DPYD: variants seen among roughly 807,000 people sequenced by gnomAD.
The protein encoded by DPYD is dihydropyrimidine dehydrogenase.
In DPYD, 109 loss-of-function variants were observed where a neutral mutation model predicts 116.2. That is an observed-to-expected ratio of 0.94 (90% CI 0.80 to 1.10). The LOEUF (loss-of-function observed/expected upper bound fraction) is 1.10, where lower values mean the gene tolerates loss of function less well. Among genes scored for constraint, DPYD ranks in the 50% least tolerant of loss-of-function variants. The pLI is 0.00. For synonymous variants in DPYD, 440 were observed against 432.0 expected (o/e 1.02, Z -0.23); for missense variants, 1,302 against 1,254.5 (o/e 1.04, Z -0.57).
intron 22 of DPYD, among the ~76,000 whole-genome samples, chr1:97,081,305 G>T (rs1289865854): frequency 6.6e-6 from 1 of 151,798 alleles, no homozygotes; most frequent in Non-Finnish European, 1.5e-5. Flanking sequence ...TTCTTAAAAA[G>T]ATCTTTTTTT....
intron 3 of DPYD, among the ~76,000 whole-genome samples, chr1:97,785,271 A>ATGT (rs1666958329): frequency 6.6e-6 from 1 of 152,184 alleles, no homozygotes; most frequent in Non-Finnish European, 1.5e-5. Context: ...ATAACATATA[A>ATGT]AAGTACTTTA....
chr1:97,204,711 T>G (rs76934660), intron 19 of DPYD, among the ~76,000 whole-genome samples: 81 of 152,214 alleles, frequency 5.3e-4, no homozygotes, highest in African/African-American at 2.0e-3. Context: ...CATTCCTGTC[T>G]TTATATTGGA....
At chr1:97,506,962 T>C (rs1647382166) in intron 13 of DPYD, among the ~76,000 whole-genome samples, 1 of 152,012 alleles carries the variant, frequency 6.6e-6, no homozygotes, top group South Asian at 2.1e-4. Flanking sequence ...TTCATTAGAT[T>C]CTAACTTGCA....
chr1:97,821,565 C>T (rs1668939264), intron 3 of DPYD, among the ~76,000 whole-genome samples: 2 of 152,024 alleles, frequency 1.3e-5, no homozygotes, highest in Admixed American at 1.3e-4. Context: ...AGAGATTTGA[C>T]CTAGAGATGA....
intron 20 of DPYD, among the ~76,000 whole-genome samples, chr1:97,134,014 A>AAAAAAAAT (rs1653573714): frequency 5.3e-5 from 1 of 18,806 alleles, no homozygotes; most frequent in African/African-American, 2.0e-4. Context: ...AAAAAAAAAA[A>AAAAAAAAT]ATATATATAT....
At chr1:97,434,007 C>T (rs961132087) in intron 14 of DPYD, among the ~76,000 whole-genome samples, 3 of 151,938 alleles carry the variant, frequency 2.0e-5, no homozygotes, top group African/African-American at 7.3e-5. Context: ...CTTTGTAACC[C>T]AAGAGCCATA....
intron 3 of DPYD, among the ~76,000 whole-genome samples, chr1:97,773,956 T>A (rs942192781): frequency 6.6e-6 from 1 of 152,180 alleles, no homozygotes; most frequent in South Asian, 2.1e-4. Context: ...GAAGGTCTAA[T>A]TGGGCTGATT....
chr1:97,915,946 C>G (rs918876064), intron 1 of DPYD, among the ~76,000 whole-genome samples: 1 of 152,140 alleles, frequency 6.6e-6, no homozygotes, highest in African/African-American at 2.4e-5. Flanking sequence ...GTGTTCCAAA[C>G]TATTACTTAC....
At chr1:97,294,589 G>A (rs74104340) in intron 18 of DPYD, among the ~76,000 whole-genome samples, 6 of 152,140 alleles carry the variant, frequency 3.9e-5, no homozygotes, top group Non-Finnish European at 5.9e-5. Context: ...CAGGAACACA[G>A]GTATTTGTAA....
At chr1:97,176,897 T>TGTGTGTGTGTGTGTGTGTGTG (rs1553228786) in intron 20 of DPYD, among the ~76,000 whole-genome samples, 1 of 79,670 alleles carries the variant, frequency 1.3e-5, no homozygotes, top group Non-Finnish European at 2.3e-5. Flanking sequence ...TGTGTGTGTG[T>TGTGTGTGTGTGTGTGTGTGTG]AGGGGGGGTG....
chr1:97,610,399 T>C (rs1432715180), intron 8 of DPYD, among the ~76,000 whole-genome samples: 1 of 152,036 alleles, frequency 6.6e-6, no homozygotes, highest in Admixed American at 6.6e-5. Context: ...TTTAATCTCC[T>C]GACCAAGAAT....
chr1:97,397,506 C>T (rs1434221953), intron 14 of DPYD, among the ~76,000 whole-genome samples: 1 of 151,974 alleles, frequency 6.6e-6, no homozygotes, highest in Admixed American at 6.6e-5. Context: ...ATTTTCTGTG[C>T]TCCACCTATT....
intron 13 of DPYD, among the ~76,000 whole-genome samples, chr1:97,511,882 A>G (rs1009854831): frequency 3.9e-5 from 6 of 152,056 alleles, no homozygotes; most frequent in African/African-American, 1.4e-4. Flanking sequence ...TTATACAACA[A>G]TCTAAGTCTT....
intron 5 of DPYD, among the ~76,000 whole-genome samples, chr1:97,705,703 C>A (rs530858256): frequency 0.013 from 1,998 of 152,178 alleles, 48 homozygotes; most frequent in African/African-American, 0.046. Flanking sequence ...CCTGAGGAAT[C>A]GCCACACCGA....
chr1:97,215,293 T>G (rs1660303251), intron 19 of DPYD, among the ~76,000 whole-genome samples: 1 of 152,204 alleles, frequency 6.6e-6, no homozygotes, highest in African/African-American at 2.4e-5. Context: ...CCAAACAATT[T>G]GATGCATTTT....
intron 1 of DPYD, among the ~76,000 whole-genome samples, chr1:97,901,113 C>T (rs189725265): frequency 1.6e-4 from 24 of 151,540 alleles, no homozygotes; most frequent in Admixed American, 1.4e-3. Context: ...TGCCAGGCAC[C>T]CCTTCAAGTG....
intron 2 of DPYD, among the ~76,000 whole-genome samples, chr1:97,842,809 T>C (rs1050163332): frequency 2.0e-5 from 3 of 152,070 alleles, no homozygotes; most frequent in African/African-American, 7.2e-5. Flanking sequence ...ATCTATATTG[T>C]TTAAAAGATC....
At chr1:97,445,225 A>G (rs1265763489) in intron 14 of DPYD, among the ~76,000 whole-genome samples, 2 of 152,198 alleles carry the variant, frequency 1.3e-5, no homozygotes, top group Non-Finnish European at 2.9e-5. Context: ...TTCTCCTAAT[A>G]AGGGACTACA....
At chr1:97,802,633 C>G (rs1230033911) in intron 3 of DPYD, among the ~76,000 whole-genome samples, 4 of 151,890 alleles carry the variant, frequency 2.6e-5, no homozygotes, top group Non-Finnish European at 4.4e-5. Flanking sequence ...TCAAGAGACA[C>G]CTGACTTTTG....
Sources: gnomAD v4.1 joint callset for allele counts (sites outside exome capture counted in the v4.1 genomes callset) on GRCh38, gnomAD v4.1.1 for gene constraint, MANE v1.5 for transcripts, NCBI Gene and HGNC (gene_info 2026-07-23, HGNC 2026-07-21) for gene names.